Variants in DCC observed in about 807,000 individuals in gnomAD.
DCC encodes DCC netrin 1 receptor, also known as netrin receptor DCC.
A neutral mutation model predicts 172.5 loss-of-function variants in DCC; 58 were observed. That is an observed-to-expected ratio of 0.34 (90% CI 0.27 to 0.42). The LOEUF (loss-of-function observed/expected upper bound fraction) is 0.42, where lower values mean the gene tolerates loss of function less well. Among genes scored for constraint, DCC ranks in the 10% least tolerant of loss-of-function variants. The pLI is 1.00. For synonymous variants in DCC, 709 were observed against 644.5 expected (o/e 1.10, Z -1.52); for missense variants, 1,740 against 1,791.0 (o/e 0.97, Z 0.51).
chr18:53,080,783 C>A (rs1432441342), intron 7 of DCC, among the ~76,000 whole-genome samples: 1 of 151,946 alleles, frequency 6.6e-6, no homozygotes, highest in Non-Finnish European at 1.5e-5. Flanking sequence ...TGAAAAGGAG[C>A]TTTTGATGCT....
chr18:53,095,720 A>T lies in DCC; in HGVS notation c.1261+29554A>T, dbSNP rs566599372. 1.1e-4 allele frequency among the ~76,000 whole-genome samples: 16 copies of T among 151,484 alleles called. No homozygotes were observed. The East Asian group carries it at 2.9e-3, about 28-fold the overall frequency. On this transcript the variant is annotated intron_variant, in intron 7 of 28. Coordinates refer to ENST00000442544, the MANE Select transcript of DCC (RefSeq NM_005215.4). ...TAACCTCCTCATTTTAAAAATCCTT[A>T]ATTTATTTATATCCGTAATGTCTTT...
At chr18:53,417,169 T>G (rs1276290064) in intron 21 of DCC, among the ~76,000 whole-genome samples, 1 of 152,192 alleles carries the variant, frequency 6.6e-6, no homozygotes, top group African/African-American at 2.4e-5. Context: ...CTTTTTAACT[T>G]TTGACAAATA....
intron 1 of DCC, among the ~76,000 whole-genome samples, chr18:52,403,052 G>A (rs191132176): frequency 1.3e-5 from 2 of 152,014 alleles, no homozygotes; most frequent in Admixed American, 6.6e-5. Flanking sequence ...TTAACAGAAG[G>A]ATTTGGCTAA....
intron 1 of DCC, chr18:52,419,650 T>C (rs1474802305): frequency 1.3e-5 from 2 of 150,774 alleles, no homozygotes; most frequent in Non-Finnish European, 3.0e-5. Context: ...AGGGCATTTG[T>C]CATTTTTTCA....
chr18:53,499,931 T>C (rs1478058804), intron 27 of DCC, among the ~76,000 whole-genome samples: 2 of 152,220 alleles, frequency 1.3e-5, no homozygotes, highest in Non-Finnish European at 2.9e-5. Context: ...TAATTCTAAT[T>C]TGTGCCTTTC....
At chr18:52,461,039 CT>C (rs1054558043) in intron 1 of DCC, among the ~76,000 whole-genome samples, 56 of 152,220 alleles carry the variant, frequency 3.7e-4, no homozygotes, top group African/African-American at 1.3e-3. Flanking sequence ...ATTTTTTTAA[CT>C]TTTTGACTGT....
intron 1 of DCC, among the ~76,000 whole-genome samples, chr18:52,722,144 G>T (rs1326865499): frequency 6.6e-6 from 1 of 152,134 alleles, no homozygotes; most frequent in African/African-American, 2.4e-5. Flanking sequence ...ATTCTAAAAG[G>T]CTTGCTACAA....
chr18:52,608,551 G>A (rs2034185800), intron 1 of DCC, among the ~76,000 whole-genome samples: 1 of 152,168 alleles, frequency 6.6e-6, no homozygotes, highest in South Asian at 2.1e-4. Flanking sequence ...ATATAGTAGT[G>A]TGAAAGAGAT....
At chr18:53,312,157 A>AGG (rs2057277144) in intron 13 of DCC, among the ~76,000 whole-genome samples, 2 of 90,394 alleles carry the variant, frequency 2.2e-5, no homozygotes, top group Non-Finnish European at 4.2e-5. Flanking sequence ...AAAATACAAA[A>AGG]AAAAAAAAAA....
intron 1 of DCC, among the ~76,000 whole-genome samples, chr18:52,746,684 C>T (rs1342992541): frequency 6.6e-6 from 1 of 151,976 alleles, no homozygotes; most frequent in Non-Finnish European, 1.5e-5. Flanking sequence ...TGGTGAGTTT[C>T]TAAAATATAT....
intron 15 of DCC, among the ~76,000 whole-genome samples, chr18:53,354,514 T>G (rs2057853956): frequency 6.6e-6 from 1 of 152,196 alleles, no homozygotes; most frequent in African/African-American, 2.4e-5. Flanking sequence ...TGATGGCCAG[T>G]GATGATGAGC....
At chr18:52,878,324 T>C (rs566952720) in intron 2 of DCC, among the ~76,000 whole-genome samples, 1 of 152,296 alleles carries the variant, frequency 6.6e-6, no homozygotes, top group South Asian at 2.1e-4. Flanking sequence ...TCACTCTCTT[T>C]TCTGGCACTG....
chr18:53,292,782 T>C (rs952502724), intron 12 of DCC, among the ~76,000 whole-genome samples: 1 of 152,218 alleles, frequency 6.6e-6, no homozygotes, highest in Non-Finnish European at 1.5e-5. Context: ...TCTCAGAGAT[T>C]TGTAATCTAA....
chr18:53,381,770 T>G (rs939468129), intron 15 of DCC, among the ~76,000 whole-genome samples: 27 of 152,016 alleles, frequency 1.8e-4, no homozygotes, highest in African/African-American at 6.5e-4. Flanking sequence ...GAGATAGTTT[T>G]TCCAGGATAG....
At chr18:53,338,022 G>T (rs2057611432) in intron 14 of DCC, among the ~76,000 whole-genome samples, 2 of 152,138 alleles carry the variant, frequency 1.3e-5, no homozygotes, top group Admixed American at 6.5e-5. Flanking sequence ...CTTATTAATT[G>T]CCAAGAACTG....
At chr18:53,116,687 C>T (rs186968340) in intron 7 of DCC, among the ~76,000 whole-genome samples, 18 of 151,808 alleles carry the variant, frequency 1.2e-4, no homozygotes, top group Non-Finnish European at 2.5e-4. Context: ...AAGGAGGTTG[C>T]TTTAAATCCA....
At chr18:53,128,868 CACATATATATATATATATATATAT>C (rs1289161578) in intron 7 of DCC, among the ~76,000 whole-genome samples, 41 of 57,420 alleles carry the variant, frequency 7.1e-4, no homozygotes, top group African/African-American at 3.2e-3. Context: ...CACACACACA[CACATATATATATATATATATATAT>C]ATATATATAT....
intron 2 of DCC, among the ~76,000 whole-genome samples, chr18:52,781,887 AG>A (rs1402069097): frequency 6.6e-6 from 1 of 152,124 alleles, no homozygotes; most frequent in East Asian, 1.9e-4. Context: ...TTATACTACC[AG>A]GGCATATTTT....
intron 27 of DCC, among the ~76,000 whole-genome samples, chr18:53,508,096 TGTTAGCCAGGATGGTCTCGATC>T (rs1215512069): frequency 2.8e-4 from 42 of 151,984 alleles, no homozygotes; most frequent in Non-Finnish European, 4.7e-4. Context: ...GGTTTCACCG[TGTTAGCCAGGATGGTCTCGATC>T]TCCTGACCTT....
Sources: gnomAD v4.1 joint callset for allele counts (sites outside exome capture counted in the v4.1 genomes callset) on GRCh38, gnomAD v4.1.1 for gene constraint, MANE v1.5 for transcripts, NCBI Gene and HGNC (gene_info 2026-07-23, HGNC 2026-07-21) for gene names.